The following CNGB1 variants were observed in gnomAD, a reference collection of about 807,000 sequenced individuals.
The protein encoded by CNGB1 is cyclic nucleotide gated channel subunit beta 1.
In CNGB1, 126 loss-of-function variants were observed where a neutral mutation model predicts 151.7. The ratio of observed to expected loss-of-function variants is 0.83; its 90% confidence interval spans 0.72 to 0.96. The LOEUF (loss-of-function observed/expected upper bound fraction) is 0.96. Among genes scored for constraint, CNGB1 ranks in the 40% least tolerant of loss-of-function variants. CNGB1 has a pLI of 0.00. For synonymous variants in CNGB1, 623 were observed against 635.1 expected (o/e 0.98, Z 0.29); for missense variants, 1,698 against 1,627.0 (o/e 1.04, Z -0.75).
chr16:57,950,386 C>T lies in CNGB1; in HGVS notation c.1029G>A (p.Met343Ile). The T allele has an allele frequency of 6.2e-7, 1 of 1,614,226 alleles. No homozygotes were observed. Among genetic ancestry groups the T allele is most frequent in the Non-Finnish European group, 8.5e-7 (1 of 1,180,042 alleles). ...YEEENKAVEK[M>I]PRELSRIEEE... is the part of the protein sequence containing the mutation. ...GGTCTTCTCAGACTCCCCACCTGGGCATCTTCTCCACAGCTTTGTTCTCTT... is the reference window on the plus strand; with the variant it reads ...GGTCTTCTCAGACTCCCCACCTGGGTATCTTCTCCACAGCTTTGTTCTCTT... The change falls in exon 13 of 33, where the codon ATG (methionine) becomes ATA (isoleucine). Residue 343 changes from methionine to isoleucine, a missense_variant. By Grantham distance (10) the Met-to-Ile change is conservative. Coordinates refer to ENST00000251102, the MANE Select transcript of CNGB1 (RefSeq NM_001297.5).
Position 57,904,962 on chromosome 16 carries a change from T to C in CNGB1, c.2493-87A>G, listed in dbSNP as rs189806703. On this transcript the variant is annotated intron_variant, in intron 25 of 32. Transcript: ENST00000251102. Reference sequence around the variant, plus strand: ...GTCTGGCTCAGACGCCTCTGATAGATGCATGTTGTGCAAAAGACAGAAACC... The same window carrying C: ...GTCTGGCTCAGACGCCTCTGATAGACGCATGTTGTGCAAAAGACAGAAACC... 31 of 1,520,818 alleles carry C rather than the reference T, an allele frequency of 2.0e-5. No homozygotes were observed. The East Asian group carries it at 4.7e-4, about 23-fold the overall frequency. 94.2% of individuals were successfully genotyped at this position (1,520,818 alleles called of 1,614,324 possible). A position where few individuals can be genotyped will look rare whatever the true frequency, so the allele number is the denominator to read the frequency against.
chr16:57,899,823 AG>A (rs1201419082), intron 29 of CNGB1, among the ~76,000 whole-genome samples: 2 of 152,178 alleles, frequency 1.3e-5, no homozygotes, highest in Non-Finnish European at 2.9e-5. Flanking sequence ...CAAGAGTGAA[AG>A]GGTGAAGGGA....
intron 14 of CNGB1, among the ~76,000 whole-genome samples, chr16:57,948,201 A>G (rs2149380670): frequency 6.6e-6 from 1 of 152,308 alleles, no homozygotes; most frequent in Middle Eastern, 3.4e-3. Flanking sequence ...CACAGCTGCC[A>G]GATCATGCCA....
intron 20 of CNGB1, among the ~76,000 whole-genome samples, chr16:57,918,605 G>A (rs750670694): frequency 6.6e-5 from 10 of 152,280 alleles, no homozygotes; most frequent in South Asian, 2.1e-4. Context: ...TCCTGGGTCC[G>A]CACTAACTAG....
At chr16:57,938,411 C>A (rs149356291) in intron 16 of CNGB1, among the ~76,000 whole-genome samples, 3 of 152,170 alleles carry the variant, frequency 2.0e-5, no homozygotes, top group African/African-American at 7.2e-5. Flanking sequence ...ACTCGCTGGC[C>A]GAGACACATC....
At chr16:57,912,053 T>C (rs1960731706) in intron 24 of CNGB1, among the ~76,000 whole-genome samples, 178 bp from the exon 25 acceptor site, 1 of 151,900 alleles carries the variant, frequency 6.6e-6, no homozygotes, top group South Asian at 2.1e-4. Context: ...GGGCTAGGAT[T>C]GGAACAGAGG....
intron 18 of CNGB1, among the ~76,000 whole-genome samples, chr16:57,922,621 G>T (rs1483435204): frequency 6.6e-6 from 1 of 151,282 alleles, no homozygotes; most frequent in African/African-American, 2.4e-5. Context: ...TAGAGACAGG[G>T]TTTCACCATA....
intron 10 of CNGB1, 31 bp from the exon 11 acceptor site, chr16:57,958,516 G>C: frequency 6.3e-7 from 1 of 1,591,678 alleles, no homozygotes; most frequent in Non-Finnish European, 8.6e-7. Context: ...GCGGTGTCCA[G>C]GTGGGAAGGG....
chr16:57,940,143 C>T, intron 15 of CNGB1, 91 bp downstream of exon 15: 1 of 1,284,068 alleles, frequency 7.8e-7, no homozygotes, highest in Non-Finnish European at 1.1e-6. Flanking sequence ...CCAGCCAAAA[C>T]TCCCCCTGTA....
intron 14 of CNGB1, among the ~76,000 whole-genome samples, chr16:57,948,740 A>G (rs4436767): frequency 0.37 from 55,826 of 151,954 alleles, 10,494 homozygotes; most frequent in African/African-American, 0.44. Flanking sequence ...TTCCCCATGC[A>G]TATCCCCCTG....
intron 16 of CNGB1, among the ~76,000 whole-genome samples, chr16:57,935,779 C>A (rs1961493000): frequency 6.6e-6 from 1 of 151,006 alleles, no homozygotes; most frequent in Non-Finnish European, 1.5e-5. Context: ...AGCAATTCAG[C>A]ATCCTCAATG....
chr16:57,916,213 C>T (rs754190498), intron 21 of CNGB1, 34 bp from the exon 22 acceptor site: 1 of 1,598,630 alleles, frequency 6.3e-7, no homozygotes, highest in Non-Finnish European at 8.6e-7. Flanking sequence ...GTGAAATGAC[C>T]TTACAGCTTA....
intron 7 of CNGB1, 80 bp from the exon 8 acceptor site, chr16:57,960,995 C>A: frequency 7.6e-7 from 1 of 1,319,530 alleles, no homozygotes; most frequent in South Asian, 1.2e-5. Flanking sequence ...GGCCAGGCCT[C>A]AACCAGCCAT....
chr16:57,966,022 C>G (rs1387215882), intron 2 of CNGB1, among the ~76,000 whole-genome samples: 1 of 152,202 alleles, frequency 6.6e-6, no homozygotes, highest in African/African-American at 2.4e-5. Flanking sequence ...CTGCCCTTCT[C>G]TAGTAACAGC....
intron 14 of CNGB1, among the ~76,000 whole-genome samples, chr16:57,947,593 G>T (rs1460917933): frequency 6.6e-6 from 1 of 152,200 alleles, no homozygotes; most frequent in Non-Finnish European, 1.5e-5. Flanking sequence ...CCTTTGAGAG[G>T]TTGTGAGCTC....
At chr16:57,888,188 T>A in intron 31 of CNGB1, 114 bp from the exon 32 acceptor site, 1 of 1,135,406 alleles carries the variant, frequency 8.8e-7, no homozygotes. Context: ...TTTTGGCTGG[T>A]GATTGTAGAG....
intron 24 of CNGB1, 23 bp from the exon 25 acceptor site, chr16:57,911,898 G>T: frequency 1.2e-6 from 2 of 1,612,224 alleles, no homozygotes; most frequent in South Asian, 2.2e-5. Flanking sequence ...CACAGCGCAT[G>T]AACACAGCGG....
intron 1 of CNGB1, 58 bp from the exon 2 acceptor site, chr16:57,967,352 TA>T (rs1962426744): frequency 4.6e-6 from 7 of 1,524,026 alleles, no homozygotes; most frequent in Middle Eastern, 1.7e-4. Context: ...TCCCGCCACT[TA>T]TGGGCCACTC....
Position 57,884,403 on chromosome 16 carries a change from G to C in CNGB1, c.3517C>G (p.His1173Asp). Residue 1173 changes from histidine (H) to aspartate (D), a missense_variant, in exon 33 of 33, where the codon CAC (histidine) becomes GAC (aspartate). Coordinates refer to ENST00000251102, the MANE Select transcript of CNGB1 (RefSeq NM_001297.5). ...GTGGCGGCCTCCTTTGGGTGCGTGT[G>C]CTGGTCTGGGGCGGCGGAGCCTTCC... ...GEEGSAAPDQ[H>D]THPKEAATDP... The C allele has an allele frequency of 6.2e-7, 1 of 1,613,526 alleles. No individual in the cohort carries two copies. The highest frequency in any genetic ancestry group is 8.5e-7 in the Non-Finnish European group (1 of 1,179,902).
Sources: gnomAD v4.1 joint callset for allele counts (sites outside exome capture counted in the v4.1 genomes callset) on GRCh38, gnomAD v4.1.1 for gene constraint, MANE v1.5 for transcripts, NCBI Gene and HGNC (gene_info 2026-07-23, HGNC 2026-07-21) for gene names.